Variants in SDK1 observed in about 807,000 individuals in gnomAD.
SDK1 encodes the protein sidekick cell adhesion molecule 1.
A neutral mutation model predicts 245.5 loss-of-function variants in SDK1; 157 were observed. That is an observed-to-expected ratio of 0.64 (90% CI 0.56 to 0.73). The LOEUF is 0.73. Among genes scored for constraint, SDK1 ranks in the 30% least tolerant of loss-of-function variants. The probability of loss-of-function intolerance (pLI) is 0.00; values close to 1 mark genes in which losing one functional copy is unlikely to be tolerated. For synonymous variants in SDK1, 1,647 were observed against 1,278.5 expected (o/e 1.29, Z -6.15); for missense variants, 3,583 against 3,002.3 (o/e 1.19, Z -4.52).
At chr7:3,946,082 G>A (rs902197501) in intron 5 of SDK1, among the ~76,000 whole-genome samples, 6 of 151,124 alleles carry the variant, frequency 4.0e-5, no homozygotes. Flanking sequence ...AGAAAATTAT[G>A]AAGGAACTAA....
chr7:3,609,248 T>C (rs972350314), intron 1 of SDK1, among the ~76,000 whole-genome samples: 2 of 152,192 alleles, frequency 1.3e-5, no homozygotes, highest in Admixed American at 1.3e-4. Flanking sequence ...TTTTTTTGTA[T>C]GTTGCAAAGG....
chr7:3,979,237 C>CG (rs1783207018), intron 13 of SDK1, among the ~76,000 whole-genome samples: 2 of 152,162 alleles, frequency 1.3e-5, no homozygotes, highest in Admixed American at 1.3e-4. Context: ...GGCACCCACC[C>CG]GGGTTTGTAA....
chr7:4,009,757 A>G (rs956581308), intron 14 of SDK1, among the ~76,000 whole-genome samples: 1 of 152,238 alleles, frequency 6.6e-6, no homozygotes, highest in Non-Finnish European at 1.5e-5. Context: ...CAGATTCTGA[A>G]TTAGTGATAG....
At chr7:3,504,025 C>G (rs1782305590) in intron 1 of SDK1, among the ~76,000 whole-genome samples, 1 of 151,860 alleles carries the variant, frequency 6.6e-6, no homozygotes, top group Non-Finnish European at 1.5e-5. Flanking sequence ...TGGCACGTGC[C>G]TGTAGTCTCA....
rs374906565 is a variant in SDK1, at chr7:3,665,439, A to G, written c.713+23334A>G. 2.9e-4 allele frequency among the ~76,000 whole-genome samples: 43 copies of G among 147,618 alleles called. No homozygotes were observed. The South Asian group carries it at 4.3e-3, about 15-fold the overall frequency. On this transcript the variant is annotated intron_variant, in intron 4 of 44. Transcript: ENST00000404826. ...CTGCTGCCTTATATCACATTTTGCA[A>G]TTCTTTGAGGGTAGGGATTGATTTT...
At chr7:3,892,619 A>C (rs1445109787) in intron 5 of SDK1, among the ~76,000 whole-genome samples, 1 of 152,222 alleles carries the variant, frequency 6.6e-6, no homozygotes, top group Non-Finnish European at 1.5e-5. Flanking sequence ...GATTCCAAAA[A>C]GAAACCCAGG....
At chr7:3,748,774 A>G (rs1424920286) in intron 4 of SDK1, among the ~76,000 whole-genome samples, 1 of 152,226 alleles carries the variant, frequency 6.6e-6, no homozygotes, top group Non-Finnish European at 1.5e-5. Context: ...TTAAAATTTA[A>G]GAGTACTTGG....
intron 1 of SDK1, among the ~76,000 whole-genome samples, chr7:3,559,267 G>C (rs190752460): frequency 6.6e-6 from 1 of 152,122 alleles, no homozygotes; most frequent in Non-Finnish European, 1.5e-5. Flanking sequence ...TGACTTGATA[G>C]CACATCAACA....
chr7:4,150,728 C>T (rs1169967412), intron 30 of SDK1, among the ~76,000 whole-genome samples: 1 of 152,204 alleles, frequency 6.6e-6, no homozygotes, highest in African/African-American at 2.4e-5. Context: ...GGGCAAAGTT[C>T]AGGCTTTGGA....
rs188607540 is a variant in SDK1 at position 3,580,860 on chromosome 7, C to T, written c.299-38220C>T. ...GTATGCGCCTGTAGTCCCAGCTACTCGGGAGGCTGAGGCAGGAGAATCGCT... is the reference window on the plus strand; with the variant it reads ...GTATGCGCCTGTAGTCCCAGCTACTTGGGAGGCTGAGGCAGGAGAATCGCT... On this transcript the variant is annotated intron_variant, in intron 1 of 44. Transcript: ENST00000404826. 1.7e-3 allele frequency among the ~76,000 whole-genome samples: 245 copies of T among 147,488 alleles called. 1 individual carries two copies. Among genetic ancestry groups the T allele is most frequent in the African/African-American group, 5.7e-3 (229 of 40,070 alleles).
intron 4 of SDK1, among the ~76,000 whole-genome samples, chr7:3,709,622 G>C (rs892241158): frequency 1.3e-4 from 20 of 152,162 alleles, no homozygotes; most frequent in Admixed American, 3.9e-4. Flanking sequence ...GAAAGTTAAT[G>C]GTGTGTCTCT....
chr7:3,679,670 A>G (rs1361325080), intron 4 of SDK1, among the ~76,000 whole-genome samples: 1 of 152,264 alleles, frequency 6.6e-6, no homozygotes, highest in African/African-American at 2.4e-5. Flanking sequence ...ATCATTGGCC[A>G]TTAGGAAAGC....
At chr7:4,260,041 C>A (rs1486943442) in intron 44 of SDK1, among the ~76,000 whole-genome samples, 2 of 152,240 alleles carry the variant, frequency 1.3e-5, no homozygotes, top group Non-Finnish European at 2.9e-5. Flanking sequence ...GAGCCACTGC[C>A]ACGTTTATCA....
rs144270124 is a variant in SDK1, at chr7:4,051,651, C to T, written c.2732C>T (p.Pro911Leu). 3,057 of 1,610,746 alleles carry T rather than the reference C, an allele frequency of 1.9e-3. 102 individuals are homozygous for T. The Admixed American group carries it at 0.046, about 24-fold the overall frequency. Residue 911 changes from proline to leucine, a missense_variant, in exon 19 of 45, where the codon CCG becomes CTG. Physicochemically the swap from Pro to Leu is moderately conservative, Grantham distance 98. Coordinates refer to ENST00000404826, the MANE Select transcript of SDK1 (RefSeq NM_152744.4). The part of the protein sequence containing the change: ...INQGYKLLAW[P>L]ADAPEAVTVV... Reference sequence around the variant, plus strand: ...GTTCCATCTCAGCTTCTGGCATGGCCGGCAGATGCCCCCGAGGCTGTCACT... The same window carrying T: ...GTTCCATCTCAGCTTCTGGCATGGCTGGCAGATGCCCCCGAGGCTGTCACT...
At chr7:4,246,544 G>C (rs1315822167) in intron 44 of SDK1, among the ~76,000 whole-genome samples, 1 of 152,146 alleles carries the variant, frequency 6.6e-6, no homozygotes, top group African/African-American at 2.4e-5. Context: ...CCAGATAGGA[G>C]CTTCCTGCTC....
chr7:3,823,275 A>C (rs1779691529), intron 5 of SDK1, among the ~76,000 whole-genome samples: 1 of 152,220 alleles, frequency 6.6e-6, no homozygotes, highest in Admixed American at 6.5e-5. Context: ...CAAACTTTAC[A>C]GGTAGAGCCA....
intron 1 of SDK1, among the ~76,000 whole-genome samples, chr7:3,497,529 A>T (rs543163483): frequency 6.6e-6 from 1 of 152,258 alleles, no homozygotes; most frequent in African/African-American, 2.4e-5. Flanking sequence ...TGATTTTGCA[A>T]ATTGCAATAT....
chr7:3,611,642 G>T (rs181783012), intron 1 of SDK1, among the ~76,000 whole-genome samples: 3 of 152,070 alleles, frequency 2.0e-5, no homozygotes, highest in African/African-American at 7.2e-5. Context: ...CATAGTGGTC[G>T]TGCTAGTTTA....
At chr7:3,597,979 G>T (rs1326150242) in intron 1 of SDK1, among the ~76,000 whole-genome samples, 12 of 152,166 alleles carry the variant, frequency 7.9e-5, no homozygotes, top group African/African-American at 2.9e-4. Flanking sequence ...CTGGATCATT[G>T]TGTAGGTATT....
Sources: allele counts gnomAD v4.1 joint callset (sites outside exome capture counted in the v4.1 genomes callset), GRCh38; gene constraint gnomAD v4.1.1; transcripts MANE v1.5; gene names NCBI Gene and HGNC (gene_info 2026-07-23, HGNC 2026-07-21).